GPLD1: variants seen among roughly 807,000 people sequenced by gnomAD.
GPLD1 encodes the protein phosphatidylinositol-glycan-specific phospholipase D.
Under a neutral mutation model 112.6 loss-of-function variants are expected in GPLD1, and 84 were observed. The observed-to-expected ratio is 0.75, with a 90% confidence interval of 0.63 to 0.89. GPLD1 has a LOEUF of 0.89. Ranked by LOEUF, GPLD1 falls within the 40% of genes least tolerant of loss-of-function variation. The pLI, the probability that GPLD1 is intolerant of heterozygous loss-of-function variation, is 0.00. For synonymous variants in GPLD1, 386 were observed against 403.8 expected, an observed-to-expected ratio of 0.96 and a Z score of 0.53; for missense variants, 1,044 against 1,051.5, an observed-to-expected ratio of 0.99 and a Z score of 0.10.
chr6:24,437,364 C>A (rs2127319332), intron 20 of GPLD1, 75 bp from the exon 21 acceptor site: 1 of 1,337,182 alleles, frequency 7.5e-7, no homozygotes, highest in Non-Finnish European at 1.0e-6. Context: ...ACCCCATCCT[C>A]AAGTGACACT....
chr6:24,483,155 TC>T (rs1210380163), intron 2 of GPLD1, among the ~76,000 whole-genome samples: 1 of 143,494 alleles, frequency 7.0e-6, no homozygotes, highest in African/African-American at 2.6e-5. Flanking sequence ...TGGTGAAACT[TC>T]CACTCTACTG....
rs1265518546 is a variant in GPLD1, at chr6:24,447,865, C to G, written c.1678+12G>C. On this transcript the variant is annotated intron_variant, in intron 17 of 24. Transcript: ENST00000230036. Reference sequence around the variant, plus strand: ...GCAGCCATGGTCTCACCCATTCCCCCTCAGGCACTACCTTTGTCGCTCAGG... The same window carrying G: ...GCAGCCATGGTCTCACCCATTCCCCGTCAGGCACTACCTTTGTCGCTCAGG... 3 of 1,613,446 alleles carry G rather than the reference C, an allele frequency of 1.9e-6. No homozygotes were observed. The highest frequency in any genetic ancestry group is 2.5e-6 in the Non-Finnish European group (3 of 1,179,804).
At chr6:24,450,521 AAG>A (rs1763047970) in intron 14 of GPLD1, among the ~76,000 whole-genome samples, 1 of 152,098 alleles carries the variant, frequency 6.6e-6, no homozygotes, top group Non-Finnish European at 1.5e-5. Flanking sequence ...ACAAACAAAA[AAG>A]AAAGTATCTA....
upstream of GPLD1, among the ~76,000 whole-genome samples, chr6:24,490,283 C>T (rs2744572): frequency 0.87 from 132,876 of 152,172 alleles, 58,593 homozygotes; most frequent in Non-Finnish European, 0.92. Flanking sequence ...GATATATTAT[C>T]AGGTACCCAC....
At chr6:24,492,187 CT>C (rs1287642407), upstream of GPLD1, among the ~76,000 whole-genome samples, 1 of 152,122 alleles carries the variant, frequency 6.6e-6, no homozygotes, top group African/African-American at 2.4e-5. Context: ...GGGTCTCAAG[CT>C]TTATGTGGGC....
At chr6:24,463,674 T>C (rs1333990404) in intron 10 of GPLD1, among the ~76,000 whole-genome samples, 2 of 152,226 alleles carry the variant, frequency 1.3e-5, no homozygotes, top group Non-Finnish European at 2.9e-5. Context: ...CTACCACTAC[T>C]TCATTGCTTT....
intron 10 of GPLD1, among the ~76,000 whole-genome samples, chr6:24,463,042 C>T (rs1433668324): frequency 2.0e-5 from 3 of 152,196 alleles, no homozygotes; most frequent in Non-Finnish European, 2.9e-5. Flanking sequence ...CTCTTCCCTC[C>T]CCGCTCCACC....
downstream of GPLD1, chr6:24,425,162 T>C (rs566017111): frequency 6.6e-6 from 1 of 152,364 alleles, no homozygotes; most frequent in East Asian, 1.9e-4. Flanking sequence ...ATAATACTTA[T>C]ATTTCACAGG....
chr6:24,467,211 G>A lies in GPLD1; in HGVS notation c.609C>T (p.Thr203=), dbSNP rs151269624. The A allele has an allele frequency of 1.3e-4, 209 of 1,607,654 alleles. 1 individual carries two copies. The South Asian group carries it at 1.8e-3, about 14-fold the overall frequency. The change falls in exon 8 of 25, where the codon ACC becomes ACT. Residue 203 remains threonine (T), a synonymous_variant. Coordinates refer to ENST00000230036, the MANE Select transcript of GPLD1 (RefSeq NM_001503.4). The stretch of plus-strand genomic sequence containing the variant: ...GTGAACAATCAACGATTACATTTTC[G>A]GTGATGACTTTTCGACCATACAGTT... ...YEKLYGRKVI[T]ENVIVDCSHI...
intron 2 of GPLD1, among the ~76,000 whole-genome samples, chr6:24,483,065 T>A (rs1017927143): frequency 2.0e-5 from 3 of 152,152 alleles, no homozygotes; most frequent in Non-Finnish European, 4.4e-5. Flanking sequence ...CAGCAGCTTA[T>A]GCCTGTTATC....
At chr6:24,479,793 C>A in intron 3 of GPLD1, 88 bp downstream of exon 3, 2 of 670,572 alleles carry the variant, frequency 3.0e-6, no homozygotes, top group Non-Finnish European at 5.2e-6. Flanking sequence ...ATATATTGTA[C>A]ACACATATAT....
chr6:24,445,951 T>C (rs1762897782), intron 18 of GPLD1, 120 bp from the exon 19 acceptor site: 1 of 724,104 alleles, frequency 1.4e-6, no homozygotes. Flanking sequence ...AGGCTCTGTC[T>C]CTGCGACCCC....
intron 21 of GPLD1, 145 bp from the exon 22 acceptor site, chr6:24,436,881 C>T: frequency 2.4e-6 from 2 of 839,344 alleles, no homozygotes; most frequent in Non-Finnish European, 3.6e-6. Context: ...CTGGCAAAGG[C>T]TTTTGTTTCC....
chr6:24,465,196 CAAAA>C (rs34368143), intron 10 of GPLD1, among the ~76,000 whole-genome samples: 11 of 101,320 alleles, frequency 1.1e-4, no homozygotes, highest in African/African-American at 3.9e-4. Flanking sequence ...GACTCTGTCT[CAAAA>C]AAAAAAAAAA....
chr6:24,465,292 C>T (rs148654156), intron 10 of GPLD1, among the ~76,000 whole-genome samples: 2,299 of 151,706 alleles, frequency 0.015, 42 homozygotes, highest in African/African-American at 0.05. Context: ...GTAATCCCAG[C>T]ACTTTGGGAG....
intron 11 of GPLD1, 65 bp from the exon 12 acceptor site, chr6:24,460,464 TG>T (rs1245603191): frequency 3.9e-6 from 6 of 1,554,186 alleles, no homozygotes; most frequent in Non-Finnish European, 5.3e-6. Flanking sequence ...AAAACTGAGT[TG>T]AAGAATATAG....
At chr6:24,493,925 A>G (rs114423744), upstream of GPLD1, among the ~76,000 whole-genome samples, 979 of 152,360 alleles carry the variant, frequency 6.4e-3, 5 homozygotes, top group Non-Finnish European at 0.012. Flanking sequence ...ATTTGCACCC[A>G]CAAATTCCCA....
chr6:24,483,145 T>C (rs762580820), intron 2 of GPLD1, among the ~76,000 whole-genome samples: 12 of 151,320 alleles, frequency 7.9e-5, no homozygotes, highest in Non-Finnish European at 1.5e-4. Context: ...CTAGGAAACA[T>C]GGTGAAACTT....
rs754168598 is a variant in GPLD1 at position 24,473,667 on chromosome 6, T to C, written c.442A>G (p.Ile148Val). The C allele has an allele frequency of 6.2e-7, 1 of 1,603,960 alleles. No individual in the cohort carries two copies. Among genetic ancestry groups the C allele is most frequent in the South Asian group, 1.1e-5 (1 of 90,648 alleles). ...EQGFLRTMGA[I>V]DFHGSYSEAH... ...TCTGAATAGGAGCCGTGAAAATCAA[T>C]CTAAGAAAGAAAGAGAACCATCTGG... Residue 148 changes from isoleucine to valine, a missense_variant and splice_region_variant, in exon 6 of 25, where the codon ATT (isoleucine) becomes GTT (valine). Transcript: ENST00000230036.
Sources: gnomAD v4.1 joint callset for allele counts (sites outside exome capture counted in the v4.1 genomes callset) on GRCh38, gnomAD v4.1.1 for gene constraint, MANE v1.5 for transcripts, NCBI Gene and HGNC (gene_info 2026-07-23, HGNC 2026-07-21) for gene names.